Variants in LGR5 observed in about 807,000 individuals in gnomAD.
The protein encoded by LGR5 is leucine rich repeat containing G protein-coupled receptor 5.
A neutral mutation model predicts 76.7 loss-of-function variants in LGR5; 54 were observed. The observed-to-expected ratio is 0.70, with a 90% CI of 0.57 to 0.88. LGR5 has a LOEUF of 0.88. Among genes scored for constraint, LGR5 ranks in the 40% least tolerant of loss-of-function variants. LGR5 has a pLI of 0.00. For missense variants in LGR5, 1,078 were observed against 1,073.3 expected, an observed-to-expected ratio of 1.00 and a Z score of -0.06; for synonymous variants, 406 against 421.9, an observed-to-expected ratio of 0.96 and a Z score of 0.46.
At position 71,584,014 on chromosome 12, in the gene LGR5, T is replaced by C. The variant is rs143652221; in HGVS notation, c.2004T>C (p.Tyr668=). 22 of 1,614,110 alleles carry C rather than the reference T, an allele frequency of 1.4e-5. No individual in the cohort carries two copies. Among genetic ancestry groups the C allele is most frequent in the African/African-American group, 2.7e-5 (2 of 74,942 alleles). Residue 668 remains tyrosine, a synonymous_variant, in exon 18 of 18, where the codon TAT becomes TAC. Transcript: ENST00000266674. ...AALERGFSVK[Y]SAKFETKAPF... ...TGGAGCGTGGGTTCTCTGTGAAATA[T>C]TCTGCAAAATTTGAAACGAAAGCTC...
Position 71,552,934 on chromosome 12 carries a change from G to T in LGR5, c.429-139G>T, listed in dbSNP as rs935393773. ...GGAGAGATCATCTGGAGAGGAAAATGCTCCAGATGTCAGGGCTCTCGGGGA... is the reference window on the plus strand; with the variant it reads ...GGAGAGATCATCTGGAGAGGAAAATTCTCCAGATGTCAGGGCTCTCGGGGA... On this transcript the variant is annotated intron_variant, in intron 4 of 17. Transcript: ENST00000266674. 1.7e-5 allele frequency: 11 copies of T among 651,154 alleles called. No homozygotes were observed. The South Asian group carries it at 2.1e-4, about 12-fold the overall frequency. 40.3% of individuals were successfully genotyped at this position (651,154 alleles called of 1,614,324 possible). A position where few individuals can be genotyped will look rare whatever the true frequency, so the allele number is the denominator to read the frequency against.
chr12:71,474,133 T>C (rs1464199701), intron 1 of LGR5, among the ~76,000 whole-genome samples: 1 of 103,096 alleles, frequency 9.7e-6, no homozygotes, highest in Non-Finnish European at 2.0e-5. Flanking sequence ...TTCAATTCTA[T>C]AAAAACTAAA....
chr12:71,523,989 A>G (rs1167210917), intron 2 of LGR5, among the ~76,000 whole-genome samples: 1 of 152,226 alleles, frequency 6.6e-6, no homozygotes, highest in Non-Finnish European at 1.5e-5. Flanking sequence ...TTTGAGGTAT[A>G]GTTGCAACAG....
intron 13 of LGR5, among the ~76,000 whole-genome samples, chr12:71,576,146 C>G (rs894528741): frequency 6.6e-6 from 1 of 152,126 alleles, no homozygotes; most frequent in African/African-American, 2.4e-5. Context: ...GGGCTTAATA[C>G]CTAGGTGATG....
chr12:71,459,217 G>T (rs1278674117), intron 1 of LGR5, among the ~76,000 whole-genome samples: 1 of 152,098 alleles, frequency 6.6e-6, no homozygotes. Context: ...CTCTGCAGTT[G>T]TGTTCTGATT....
rs1330010607 is a variant in LGR5 at position 71,524,409 on chromosome 12, T to A, written c.288T>A (p.Arg96=). Residue 96 remains arginine (R), a synonymous_variant, in exon 3 of 18, where the codon CGT becomes CGA. Transcript: ENST00000266674. The part of the protein sequence containing the change: ...LPSLRFLEEL[R]LAGNALTYIP... Reference sequence around the variant, plus strand: ...TCCTCTCCATTGAAACCCACAGACGTCTTGCGGGAAACGCTCTGACATACA... The same window carrying A: ...TCCTCTCCATTGAAACCCACAGACGACTTGCGGGAAACGCTCTGACATACA... The A allele has an allele frequency of 6.2e-7, 1 of 1,611,674 alleles. No individual in the cohort carries two copies. The highest frequency in any genetic ancestry group is 1.3e-5 in the African/African-American group (1 of 74,944).
intron 3 of LGR5, among the ~76,000 whole-genome samples, chr12:71,527,836 T>G (rs1172849707): frequency 6.6e-6 from 1 of 152,064 alleles, no homozygotes; most frequent in African/African-American, 2.4e-5. Context: ...TGTTACAGAG[T>G]GTTTTGGAAA....
At chr12:71,475,409 G>A (rs531659934) in intron 1 of LGR5, among the ~76,000 whole-genome samples, 141 of 152,300 alleles carry the variant, frequency 9.3e-4, no homozygotes, top group Admixed American at 1.6e-3. Context: ...GTCCTAGAGT[G>A]GCTCCCAGAG....
intron 5 of LGR5, among the ~76,000 whole-genome samples, chr12:71,554,304 G>T (rs1877651623): frequency 6.6e-6 from 1 of 152,160 alleles, no homozygotes; most frequent in South Asian, 2.1e-4. Flanking sequence ...AGTCCTGGAT[G>T]AGGGCCTTAA....
chr12:71,556,285 A>G (rs1432903961), intron 5 of LGR5, among the ~76,000 whole-genome samples: 1 of 152,114 alleles, frequency 6.6e-6, no homozygotes, highest in South Asian at 2.1e-4. Context: ...AAGTTTACCT[A>G]CATAACAAAC....
chr12:71,489,901 G>GA (rs1164317760), intron 1 of LGR5, among the ~76,000 whole-genome samples: 1 of 151,782 alleles, frequency 6.6e-6, no homozygotes, highest in Non-Finnish European at 1.5e-5. Flanking sequence ...CATCTCTGCA[G>GA]AAAAAAGAAG....
intron 15 of LGR5, among the ~76,000 whole-genome samples, chr12:71,579,353 T>C (rs1002237827): frequency 1.3e-5 from 2 of 152,228 alleles, no homozygotes; most frequent in Non-Finnish European, 2.9e-5. Flanking sequence ...GTTATGCTTA[T>C]TATTGACAAA....
intron 3 of LGR5, among the ~76,000 whole-genome samples, chr12:71,531,445 A>C (rs1274063572): frequency 6.6e-6 from 1 of 152,226 alleles, no homozygotes; most frequent in Non-Finnish European, 1.5e-5. Context: ...AATTAAACAA[A>C]AGTTCCTTAT....
intron 8 of LGR5, among the ~76,000 whole-genome samples, chr12:71,563,885 A>G (rs2137435678): frequency 6.6e-6 from 1 of 151,886 alleles, no homozygotes; most frequent in East Asian, 1.9e-4. Flanking sequence ...TATAGTGTGT[A>G]TATATATACT....
intron 15 of LGR5, 46 bp from the exon 16 acceptor site, chr12:71,580,232 A>T (rs1055603745): frequency 5.2e-6 from 8 of 1,532,368 alleles, no homozygotes; most frequent in Non-Finnish European, 7.1e-6. Context: ...ATATTTAATT[A>T]TCCGTTTCTT....
chr12:71,564,777 GCA>G (rs1565761720), intron 8 of LGR5, among the ~76,000 whole-genome samples: 73 of 122,282 alleles, frequency 6.0e-4, no homozygotes, highest in African/African-American at 1.8e-3. Flanking sequence ...TGTACACACT[GCA>G]TATATACATA....
chr12:71,529,142 C>A (rs532150349), intron 3 of LGR5, among the ~76,000 whole-genome samples: 1 of 152,288 alleles, frequency 6.6e-6, no homozygotes, highest in South Asian at 2.1e-4. Flanking sequence ...TTATTTCCTT[C>A]TTTCCCTTAT....
At chr12:71,501,392 C>A (rs961180637) in intron 1 of LGR5, among the ~76,000 whole-genome samples, 1 of 152,162 alleles carries the variant, frequency 6.6e-6, no homozygotes, top group African/African-American at 2.4e-5. Context: ...AACTTAGAGG[C>A]CACCTCACCT....
In LGR5 at chr12:71,467,448, C is replaced by A. The variant is rs115194711; in HGVS notation, c.212+27156C>A. Among the ~76,000 whole-genome samples, 472 of 152,190 alleles carry A rather than the reference C, an allele frequency of 3.1e-3. 3 individuals carry two copies. The highest frequency in any genetic ancestry group is 0.011 in the African/African-American group (441 of 41,524). ...CCAGTACTGAAGATAGTAGGCACTC[C>A]CTCTTTGCTGTCATTTTTAACATCT... On this transcript the variant is annotated intron_variant, in intron 1 of 17. Coordinates refer to ENST00000266674, the MANE Select transcript of LGR5 (RefSeq NM_003667.4).
Sources: allele counts gnomAD v4.1 joint callset (sites outside exome capture counted in the v4.1 genomes callset), GRCh38; gene constraint gnomAD v4.1.1; transcripts MANE v1.5; gene names NCBI Gene and HGNC (gene_info 2026-07-23, HGNC 2026-07-21).